Variants in CEP85L observed in about 807,000 individuals in gnomAD.
CEP85L encodes the protein centrosomal protein 85L.
CEP85L carries 60 observed loss-of-function variants against 100.3 expected under a neutral mutation model. That is an observed-to-expected ratio of 0.60 (90% confidence interval 0.49 to 0.74). The LOEUF is 0.74. CEP85L is among the 30% of genes least tolerant of loss of function. CEP85L has a pLI of 0.00. For missense variants in CEP85L, 973 were observed against 936.2 expected, an observed-to-expected ratio of 1.04 and a Z score of -0.51; for synonymous variants, 319 against 322.7, an observed-to-expected ratio of 0.99 and a Z score of 0.12.
At chr6:118,537,840 A>C (rs34882969) in intron 3 of CEP85L, 118 of 985,128 alleles carry the variant, frequency 1.2e-4, no homozygotes, top group Non-Finnish European at 1.4e-4. Flanking sequence ...GAGCTTATTC[A>C]TCACTCACAA....
intron 2 of CEP85L, among the ~76,000 whole-genome samples, chr6:118,579,708 C>A (rs533753935): frequency 8.7e-4 from 132 of 152,278 alleles, no homozygotes; most frequent in Admixed American, 7.2e-4. Flanking sequence ...AATAATCTCC[C>A]TATGTTATAG....
At chr6:118,652,748 C>T (rs756591524), upstream of CEP85L, 1 of 1,543,188 alleles carries the variant, frequency 6.5e-7, no homozygotes, top group East Asian at 2.5e-5. Flanking sequence ...TTTAGTCTCC[C>T]TGTGGTAGAC....
At chr6:118,692,692 T>C (rs1175569342) in intron 1 of CEP85L, among the ~76,000 whole-genome samples, 4 of 151,542 alleles carry the variant, frequency 2.6e-5, no homozygotes, top group African/African-American at 9.7e-5. Flanking sequence ...AAAAATCTAT[T>C]AAGACTTCCC....
In CEP85L at chr6:118,511,306, T is replaced by C; in HGVS notation, c.1249A>G (p.Ser417Gly). The change falls in exon 5 of 13, where the codon AGT (serine) becomes GGT (glycine). Residue 417 changes from serine to glycine, a missense_variant. By Grantham distance (56) the Ser-to-Gly change is moderately conservative. This residue lies in a region of CEP85L where 890 missense variants were observed against 844.5 expected (regional missense o/e 1.05). Transcript: ENST00000368491. Reference protein sequence around the residue: ...YVNCEDSYVASLQPQYENTSL... With the variant: ...YVNCEDSYVAGLQPQYENTSL... ...ATCCTCTGTAATCTTACCTGCAAACTAGCCACATAAGAATCCTCACAATTT... is the reference window on the plus strand; with the variant it reads ...ATCCTCTGTAATCTTACCTGCAAACCAGCCACATAAGAATCCTCACAATTT... 6.2e-7 allele frequency: 1 copy of C among 1,606,542 alleles called. No individual in the cohort carries two copies. Among genetic ancestry groups the C allele is most frequent in the Non-Finnish European group, 8.5e-7 (1 of 1,173,602 alleles).
chr6:118,550,258 T>A (rs572274437), intron 3 of CEP85L, among the ~76,000 whole-genome samples: 278 of 151,974 alleles, frequency 1.8e-3, no homozygotes, highest in Non-Finnish European at 3.1e-3. Flanking sequence ...TATAATCATA[T>A]CTTTAATTAG....
intron 5 of CEP85L, chr6:118,502,958 T>C (rs192325039): frequency 1.5e-5 from 5 of 344,138 alleles, no homozygotes; most frequent in East Asian, 5.4e-5. Context: ...TGATTATGTA[T>C]TATGTACATA....
At chr6:118,563,452 T>G (rs181098495) in intron 3 of CEP85L, among the ~76,000 whole-genome samples, 38 of 152,338 alleles carry the variant, frequency 2.5e-4, no homozygotes, top group Admixed American at 1.5e-3. Flanking sequence ...GATTATGACT[T>G]TCAGCCAAAT....
chr6:118,652,833 A>G (rs1775643433), upstream of CEP85L: 2 of 987,552 alleles, frequency 2.0e-6, no homozygotes, highest in South Asian at 1.5e-5. Flanking sequence ...ATACAGAAAC[A>G]TGAAAGACGA....
intron 6 of CEP85L, among the ~76,000 whole-genome samples, chr6:118,490,179 T>C (rs1464777211): frequency 6.6e-6 from 1 of 152,112 alleles, no homozygotes; most frequent in Non-Finnish European, 1.5e-5. Context: ...CTGGTGGTTG[T>C]CAGGGACTGG....
chr6:118,490,751 C>T (rs748319918), intron 6 of CEP85L, among the ~76,000 whole-genome samples: 30 of 152,218 alleles, frequency 2.0e-4, no homozygotes, highest in Non-Finnish European at 4.0e-4. Flanking sequence ...ATGAAAAACA[C>T]TACTCAGCAA....
intron 3 of CEP85L, among the ~76,000 whole-genome samples, chr6:118,524,748 G>C (rs966039980): frequency 6.6e-6 from 1 of 152,212 alleles, no homozygotes; most frequent in Non-Finnish European, 1.5e-5. Flanking sequence ...GATAAAAAGG[G>C]GTCCTTGGAG....
At chr6:118,553,730 A>C (rs916261797) in intron 3 of CEP85L, among the ~76,000 whole-genome samples, 4 of 152,178 alleles carry the variant, frequency 2.6e-5, no homozygotes, top group Admixed American at 2.6e-4. Flanking sequence ...GATCATCTTT[A>C]AAGTATGTTA....
rs1344998430 is a variant in CEP85L at position 118,460,872 on chromosome 6, T to A, written c.*4533A>T. 2 of 152,188 alleles carry A rather than the reference T, an allele frequency of 1.3e-5. No individual in the cohort carries two copies. Among genetic ancestry groups the A allele is most frequent in the Non-Finnish European group, 2.9e-5 (2 of 68,030 alleles). 9.4% of individuals were successfully genotyped at this position (152,188 alleles called of 1,614,324 possible). On this transcript the variant is annotated 3_prime_UTR_variant, in exon 13 of 13. Coordinates refer to ENST00000368491, the MANE Select transcript of CEP85L (RefSeq NM_001042475.3). Reference sequence around the variant, plus strand: ...TAGCCATTAACATTGAAAACTTTTTTCTTAATTTAATAAATAGAACTTTGG... The same window carrying A: ...TAGCCATTAACATTGAAAACTTTTTACTTAATTTAATAAATAGAACTTTGG...
At chr6:118,584,696 G>C (rs1362150821) in intron 2 of CEP85L, among the ~76,000 whole-genome samples, 1 of 152,194 alleles carries the variant, frequency 6.6e-6, no homozygotes, top group Non-Finnish European at 1.5e-5. Context: ...GTGGCTAAAG[G>C]ATGGCCAGCA....
At chr6:118,659,201 A>G (rs1054419292) in intron 1 of CEP85L, among the ~76,000 whole-genome samples, 7 of 152,354 alleles carry the variant, frequency 4.6e-5, no homozygotes, top group Non-Finnish European at 8.8e-5. Flanking sequence ...CATTATTACA[A>G]GTGCTCACAC....
intron 2 of CEP85L, among the ~76,000 whole-genome samples, chr6:118,605,682 C>G (rs944688046): frequency 6.6e-6 from 1 of 151,968 alleles, no homozygotes; most frequent in Admixed American, 6.6e-5. Context: ...TCTTAGGCTA[C>G]CAGAAGTTAT....
chr6:118,647,118 T>G lies in CEP85L; in HGVS notation c.73+4079A>C, dbSNP rs1472202617. 6.2e-6 allele frequency: 6 copies of G among 960,352 alleles called. No homozygotes were observed. In the African/African-American group the frequency reaches 8.8e-5, roughly 14 times the overall value. 59.5% of individuals were successfully genotyped at this position (960,352 alleles called of 1,614,324 possible). A position where few individuals can be genotyped will look rare whatever the true frequency, so the allele number is the denominator to read the frequency against. ...TTACCACAGTATTCCTAGAAGTCCA[T>G]CTAATTCAGAACCACAGCAGAAAAC... is the stretch of plus-strand genomic sequence containing the variant. On this transcript the variant is annotated intron_variant, in intron 1 of 12. Coordinates refer to ENST00000368491, the MANE Select transcript of CEP85L (RefSeq NM_001042475.3).
intron 2 of CEP85L, among the ~76,000 whole-genome samples, chr6:118,625,275 G>A (rs1401499736): frequency 6.6e-6 from 1 of 152,152 alleles, no homozygotes; most frequent in Non-Finnish European, 1.5e-5. Context: ...TGTCTAAAGG[G>A]CACCCCAAAA....
intron 2 of CEP85L, among the ~76,000 whole-genome samples, chr6:118,595,734 C>A (rs1309933232): frequency 6.6e-6 from 1 of 152,130 alleles, no homozygotes; most frequent in Admixed American, 6.5e-5. Context: ...TAAATTGTGT[C>A]ATTATTTAAT....
Sources: gnomAD v4.1 joint callset for allele counts (sites outside exome capture counted in the v4.1 genomes callset) on GRCh38, gnomAD v4.1.1 for gene constraint, gnomAD v4.1.1 regional missense constraint, MANE v1.5 for transcripts, NCBI Gene and HGNC (gene_info 2026-07-23, HGNC 2026-07-21) for gene names.